Variants in LRFN2 observed in about 807,000 individuals in gnomAD.
The protein encoded by LRFN2 is leucine rich repeat and fibronectin type III domain containing 2, also known as leucine-rich repeat and fibronectin type-III domain-containing protein 2.
Under a neutral mutation model 37.3 loss-of-function variants are expected in LRFN2, and 18 were observed. That is an observed-to-expected ratio of 0.48 (90% CI 0.33 to 0.72). The LOEUF (loss-of-function observed/expected upper bound fraction) is 0.72. Ranked by LOEUF, LRFN2 falls within the 30% of genes least tolerant of loss-of-function variation. The pLI is 0.02. For synonymous variants in LRFN2, 556 were observed against 466.6 expected, an observed-to-expected ratio of 1.19 and a Z score of -2.47; for missense variants, 1,006 against 1,060.7, an observed-to-expected ratio of 0.95 and a Z score of 0.72.
intron 1 of LRFN2, among the ~76,000 whole-genome samples, chr6:40,585,186 T>G (rs2113802928): frequency 6.6e-6 from 1 of 152,312 alleles, no homozygotes; most frequent in Middle Eastern, 3.4e-3. Context: ...AATGCCAAGT[T>G]TGCTGTTTGC....
chr6:40,477,210 G>A (rs928934813), intron 1 of LRFN2, among the ~76,000 whole-genome samples: 10 of 152,192 alleles, frequency 6.6e-5, no homozygotes, highest in Non-Finnish European at 1.2e-4. Context: ...ATGATCAGAG[G>A]GGTGGAAGTA....
rs1484283112 is a variant in LRFN2, at chr6:40,448,543, TTGC to T, written c.-18-15415_-18-15413del. On this transcript the variant is annotated intron_variant, in intron 1 of 2. Transcript: ENST00000338305. ...AGCCCTAATCTTTTGGATTCTTATCTTGCTGCAATACTCAAAAAGATCAAATAC... is the reference window on the plus strand; with the variant it reads ...AGCCCTAATCTTTTGGATTCTTATCTTGCAATACTCAAAAAGATCAAATAC... Among the ~76,000 whole-genome samples, 10 of 152,344 alleles carry T rather than the reference TTGC, an allele frequency of 6.6e-5. No individual in the cohort carries two copies. In the South Asian group the frequency reaches 8.3e-4, roughly 13 times the overall value.
chr6:40,443,765 C>T (rs1467680964), intron 1 of LRFN2, among the ~76,000 whole-genome samples: 1 of 152,074 alleles, frequency 6.6e-6, no homozygotes, highest in Non-Finnish European at 1.5e-5. Flanking sequence ...GAGATGTGGG[C>T]AGGGTGGGGG....
chr6:40,525,298 C>T (rs761876999), intron 1 of LRFN2, among the ~76,000 whole-genome samples: 1 of 152,198 alleles, frequency 6.6e-6, no homozygotes, highest in Non-Finnish European at 1.5e-5. Context: ...CAGGCTGGCT[C>T]TACTAGGCAA....
intron 1 of LRFN2, among the ~76,000 whole-genome samples, chr6:40,462,676 T>C (rs993867126): frequency 2.0e-5 from 3 of 152,204 alleles, no homozygotes; most frequent in Admixed American, 6.5e-5. Flanking sequence ...TATAAAAACA[T>C]TTTTTGTCTA....
At chr6:40,490,452 C>A (rs542176959) in intron 1 of LRFN2, among the ~76,000 whole-genome samples, 9 of 152,172 alleles carry the variant, frequency 5.9e-5, no homozygotes, top group Admixed American at 6.5e-5. Flanking sequence ...ACCCTCAGAG[C>A]CCTGTGGCCC....
intron 1 of LRFN2, among the ~76,000 whole-genome samples, chr6:40,547,733 T>C (rs2113920283): frequency 6.6e-6 from 1 of 152,042 alleles, no homozygotes. Context: ...TCATCACGAG[T>C]CTGGCCCGCA....
chr6:40,474,073 C>T (rs1222235322), intron 1 of LRFN2, among the ~76,000 whole-genome samples: 1 of 152,120 alleles, frequency 6.6e-6, no homozygotes, highest in African/African-American at 2.4e-5. Flanking sequence ...GGCTTTCAGG[C>T]AGGCCCACAG....
chr6:40,485,028 T>G (rs575087230), intron 1 of LRFN2, among the ~76,000 whole-genome samples: 1 of 152,354 alleles, frequency 6.6e-6, no homozygotes, highest in African/African-American at 2.4e-5. Flanking sequence ...CACAATATTC[T>G]GCATTCATGT....
chr6:40,395,650 C>A lies in LRFN2; in HGVS notation c.1401-2738G>T, dbSNP rs531755700. ...AGCAAGAGCAAACACCAGCTGGTAACTGTGCGCCATGCTCTAAGTGCCCTA... is the reference window on the plus strand; with the variant it reads ...AGCAAGAGCAAACACCAGCTGGTAAATGTGCGCCATGCTCTAAGTGCCCTA... On this transcript the variant is annotated intron_variant, in intron 2 of 2. Coordinates refer to ENST00000338305, the MANE Select transcript of LRFN2 (RefSeq NM_020737.3). 2.6e-5 allele frequency among the ~76,000 whole-genome samples: 4 copies of A among 152,328 alleles called. No homozygotes were observed. In the East Asian group the frequency reaches 7.7e-4, roughly 29 times the overall value.
intron 1 of LRFN2, among the ~76,000 whole-genome samples, chr6:40,535,079 G>A (rs534724897): frequency 1.4e-4 from 21 of 152,252 alleles, no homozygotes; most frequent in African/African-American, 4.3e-4. Flanking sequence ...GCTGCAGGTC[G>A]AGCCTTGGGT....
chr6:40,520,247 T>C (rs1407499059), intron 1 of LRFN2, among the ~76,000 whole-genome samples: 1 of 152,030 alleles, frequency 6.6e-6, no homozygotes, highest in Non-Finnish European at 1.5e-5. Flanking sequence ...GCTGCAGTTC[T>C]GGCGTACGGC....
chr6:40,398,567 G>A (rs1051840507), intron 2 of LRFN2, among the ~76,000 whole-genome samples: 5 of 151,714 alleles, frequency 3.3e-5, no homozygotes, highest in East Asian at 1.9e-4. Flanking sequence ...GGTCAGTCAT[G>A]GGCACCTCCA....
rs114354100 is a variant in LRFN2 at position 40,518,904 on chromosome 6, G to A, written c.-19+68037C>T. 7.3e-3 allele frequency among the ~76,000 whole-genome samples: 1,105 copies of A among 152,282 alleles called. 15 individuals are homozygous for A. The highest frequency in any genetic ancestry group is 0.025 in the African/African-American group (1,039 of 41,558). The stretch of plus-strand genomic sequence containing the variant: ...AGCAAGTCGGTGAAGGTGGGTGGGC[G>A]AGGGGGTTCCAGGCAGAGGAAATGG... On this transcript the variant is annotated intron_variant, in intron 1 of 2. Coordinates refer to ENST00000338305, the MANE Select transcript of LRFN2 (RefSeq NM_020737.3).
At chr6:40,412,671 C>G (rs1383947445) in intron 2 of LRFN2, among the ~76,000 whole-genome samples, 1 of 152,158 alleles carries the variant, frequency 6.6e-6, no homozygotes, top group Non-Finnish European at 1.5e-5. Flanking sequence ...ATTCACTCAT[C>G]CAAGAAATGT....
At chr6:40,538,125 G>A (rs1000395927) in intron 1 of LRFN2, among the ~76,000 whole-genome samples, 5 of 152,188 alleles carry the variant, frequency 3.3e-5, no homozygotes, top group Non-Finnish European at 5.9e-5. Context: ...TTCTGAGAAA[G>A]GGTAAAGGGA....
chr6:40,487,503 T>C (rs1478283062), intron 1 of LRFN2, among the ~76,000 whole-genome samples: 1 of 152,238 alleles, frequency 6.6e-6, no homozygotes, highest in Non-Finnish European at 1.5e-5. Flanking sequence ...CCATGGAGCC[T>C]ATCCTTGCAT....
chr6:40,403,876 C>A (rs925110255), intron 2 of LRFN2, among the ~76,000 whole-genome samples: 4 of 152,208 alleles, frequency 2.6e-5, no homozygotes, highest in South Asian at 2.1e-4. Flanking sequence ...AGGCCCCAGA[C>A]AATCTGCCCC....
chr6:40,489,642 C>G (rs764317879), intron 1 of LRFN2, among the ~76,000 whole-genome samples: 6 of 152,058 alleles, frequency 3.9e-5, no homozygotes, highest in Non-Finnish European at 7.4e-5. Flanking sequence ...GACGAGGAGG[C>G]CTGGGAGGAG....
Sources: allele counts gnomAD v4.1 joint callset (sites outside exome capture counted in the v4.1 genomes callset), GRCh38; gene constraint gnomAD v4.1.1; transcripts MANE v1.5; gene names NCBI Gene and HGNC (gene_info 2026-07-23, HGNC 2026-07-21).